The following CORO2A variants were observed in gnomAD, a reference collection of about 807,000 sequenced individuals.
The protein encoded by CORO2A is coronin-2A.
Under a neutral mutation model 62.4 loss-of-function variants are expected in CORO2A, and 47 were observed. The ratio of observed to expected loss-of-function variants is 0.75; its 90% CI spans 0.60 to 0.96. The LOEUF is 0.96. Among genes scored for constraint, CORO2A ranks in the 40% least tolerant of loss-of-function variants. The probability of loss-of-function intolerance (pLI) is 0.00; values close to 1 mark genes in which losing one functional copy is unlikely to be tolerated. For missense variants in CORO2A, 610 were observed against 684.1 expected (o/e 0.89, Z 1.21); for synonymous variants, 273 against 268.9 (o/e 1.02, Z -0.15).
At chr9:98,187,641 C>G (rs1828256635) in intron 1 of CORO2A, among the ~76,000 whole-genome samples, 1 of 152,066 alleles carries the variant, frequency 6.6e-6, no homozygotes, top group South Asian at 2.1e-4. Flanking sequence ...GAGGGTCTCT[C>G]TGGGGCCTCT....
At chr9:98,161,409 C>T (rs1175629820) in intron 1 of CORO2A, among the ~76,000 whole-genome samples, 1 of 152,056 alleles carries the variant, frequency 6.6e-6, no homozygotes, top group African/African-American at 2.4e-5. Context: ...CAAAAATTAG[C>T]CGGGTGTGGT....
chr9:98,129,921 A>C, intron 7 of CORO2A, 31 bp from the exon 8 acceptor site: 2 of 1,566,606 alleles, frequency 1.3e-6, no homozygotes, highest in Non-Finnish European at 1.8e-6. Context: ...GAGGAGGGTG[A>C]GATTCAGAGC....
intron 1 of CORO2A, among the ~76,000 whole-genome samples, chr9:98,186,577 T>C (rs553659296): frequency 1.3e-5 from 2 of 152,334 alleles, no homozygotes; most frequent in East Asian, 3.9e-4. Flanking sequence ...TTTTCCTGCC[T>C]TTTTCTGAAA....
chr9:98,153,740 G>A (rs1323895965), intron 2 of CORO2A, among the ~76,000 whole-genome samples: 3 of 151,016 alleles, frequency 2.0e-5, no homozygotes, highest in Non-Finnish European at 4.4e-5. Context: ...GGTAAACCAG[G>A]TGAAGGTTAA....
At chr9:98,163,741 T>TGAGAGAGAGAGA (rs565063006) in intron 1 of CORO2A, among the ~76,000 whole-genome samples, 37 of 139,630 alleles carry the variant, frequency 2.6e-4, no homozygotes, top group African/African-American at 1.0e-3. Flanking sequence ...TGTGTGTGTG[T>TGAGAGAGAGAGA]GAGAGAGAGA....
intron 1 of CORO2A, among the ~76,000 whole-genome samples, chr9:98,160,471 A>G (rs1348503030): frequency 6.6e-6 from 1 of 152,224 alleles, no homozygotes; most frequent in African/African-American, 2.4e-5. Flanking sequence ...TTTGGTGTCT[A>G]TAAGATAAAA....
At chr9:98,180,398 C>A (rs554896033) in intron 1 of CORO2A, among the ~76,000 whole-genome samples, 15 of 152,200 alleles carry the variant, frequency 9.9e-5, no homozygotes, top group African/African-American at 3.6e-4. Flanking sequence ...TCCATCCCCT[C>A]GCAGGCCATG....
At chr9:98,175,242 G>C (rs939942445) in intron 1 of CORO2A, among the ~76,000 whole-genome samples, 1 of 152,036 alleles carries the variant, frequency 6.6e-6, no homozygotes. Context: ...GGGCTCGGTA[G>C]GGTGGGGAGG....
At chr9:98,174,605 T>C (rs1564217426) in intron 1 of CORO2A, among the ~76,000 whole-genome samples, 1 of 152,148 alleles carries the variant, frequency 6.6e-6, no homozygotes, top group Non-Finnish European at 1.5e-5. Flanking sequence ...GATTGGATCA[T>C]GGAGGCGGTT....
Position 98,123,902 on chromosome 9 carries a change from A to C in CORO2A, c.*872T>G, listed in dbSNP as rs2118779406. On this transcript the variant is annotated 3_prime_UTR_variant, in exon 12 of 12. Coordinates refer to ENST00000375077, the MANE Select transcript of CORO2A (RefSeq NM_052820.4). ...ACTCCTGACCTCAGAAGATCCGCCC[A>C]GCTTGGCCTCCCAAAGTTCTGGGAT... 6.6e-6 allele frequency: 1 copy of C among 151,674 alleles called. No homozygotes were observed. The highest frequency in any genetic ancestry group is 3.4e-3 in the Middle Eastern group (1 of 290). The allele number at this position is 151,674 out of a possible 1,614,324, so 9.4% of individuals were successfully genotyped here.
chr9:98,140,172 C>T (rs1178032187), intron 2 of CORO2A, among the ~76,000 whole-genome samples: 1 of 152,194 alleles, frequency 6.6e-6, no homozygotes, highest in African/African-American at 2.4e-5. Flanking sequence ...AATGCTCCCC[C>T]AGCCATTTTT....
chr9:98,153,060 T>C (rs977144709), intron 2 of CORO2A, among the ~76,000 whole-genome samples: 18 of 152,200 alleles, frequency 1.2e-4, no homozygotes, highest in Non-Finnish European at 1.0e-4. Context: ...CAGACCGAAG[T>C]ACAGTATTTG....
chr9:98,161,468 C>T (rs1827884831), intron 1 of CORO2A, among the ~76,000 whole-genome samples: 1 of 152,130 alleles, frequency 6.6e-6, no homozygotes, highest in South Asian at 2.1e-4. Context: ...GCAGGAGAAT[C>T]ACTTGAACCG....
chr9:98,168,782 C>G (rs1280459935), intron 1 of CORO2A, among the ~76,000 whole-genome samples: 2 of 152,240 alleles, frequency 1.3e-5, no homozygotes, highest in African/African-American at 4.8e-5. Context: ...AAATCCCAAA[C>G]CAGAAAGCAT....
intron 1 of CORO2A, among the ~76,000 whole-genome samples, chr9:98,174,837 G>C (rs1047844072): frequency 2.0e-5 from 3 of 152,096 alleles, no homozygotes; most frequent in Non-Finnish European, 4.4e-5. Flanking sequence ...CCAGTCTCAG[G>C]TATGTCATTA....
chr9:98,130,625 G>A (rs1013651461), intron 7 of CORO2A, among the ~76,000 whole-genome samples: 2 of 152,216 alleles, frequency 1.3e-5, no homozygotes, highest in Admixed American at 1.3e-4. Context: ...GCACTGGTGG[G>A]CAGGGGCCAG....
intron 1 of CORO2A, among the ~76,000 whole-genome samples, chr9:98,157,954 G>C (rs969481369): frequency 6.6e-6 from 1 of 152,294 alleles, no homozygotes; most frequent in Middle Eastern, 3.4e-3. Flanking sequence ...GAACCATAGA[G>C]AGAATCCACC....
intron 2 of CORO2A, among the ~76,000 whole-genome samples, chr9:98,155,091 T>C (rs1827784494): frequency 1.3e-5 from 2 of 152,226 alleles, no homozygotes; most frequent in South Asian, 4.1e-4. Context: ...TTACTAGTGT[T>C]AGACATTTTT....
In CORO2A at chr9:98,151,602, T is replaced by C. The variant is rs964146855; in HGVS notation, c.201+5858A>G. On this transcript the variant is annotated intron_variant, in intron 2 of 11. Coordinates refer to ENST00000375077, the MANE Select transcript of CORO2A (RefSeq NM_052820.4). ...TTTGGGTTCTATGTAGACAATTATA[T>C]ATGTAAATAATAGCAGTTTTATTTC... Among the ~76,000 whole-genome samples the C allele has an allele frequency of 3.3e-4, 50 of 152,210 alleles. 1 individual carries two copies. The highest frequency in any genetic ancestry group is 5.4e-4 in the Non-Finnish European group (37 of 68,040).
Sources: allele counts gnomAD v4.1 joint callset (sites outside exome capture counted in the v4.1 genomes callset), GRCh38; gene constraint gnomAD v4.1.1; transcripts MANE v1.5; gene names NCBI Gene and HGNC (gene_info 2026-07-23, HGNC 2026-07-21).